Variants in EPM2A observed in about 807,000 individuals in gnomAD.
The protein encoded by EPM2A is laforin.
Under a neutral mutation model 26.5 loss-of-function variants are expected in EPM2A, and 21 were observed. The observed-to-expected ratio is 0.79, with a 90% CI of 0.56 to 1.14. EPM2A has a LOEUF of 1.14. Among genes scored for constraint, EPM2A ranks in the 50% most tolerant of loss-of-function variants. EPM2A has a pLI of 0.00. For synonymous variants in EPM2A, 217 were observed against 177.6 expected, an observed-to-expected ratio of 1.22 and a Z score of -1.76; for missense variants, 458 against 440.8, an observed-to-expected ratio of 1.04 and a Z score of -0.35.
intron 2 of EPM2A, among the ~76,000 whole-genome samples, chr6:145,642,507 C>G (rs988695941): frequency 1.3e-5 from 2 of 152,084 alleles, no homozygotes; most frequent in Non-Finnish European, 2.9e-5. Context: ...ACAAAGTATG[C>G]CTTCATTTGA....
At chr6:145,531,212 C>T (rs1044856492) in intron 2 of EPM2A, among the ~76,000 whole-genome samples, 2 of 152,134 alleles carry the variant, frequency 1.3e-5, no homozygotes, top group African/African-American at 4.8e-5. Context: ...GGCAGGATGG[C>T]TCCCTGCAGG....
downstream of EPM2A, among the ~76,000 whole-genome samples, chr6:145,496,886 C>T (rs371586283): frequency 2.0e-4 from 30 of 152,004 alleles, no homozygotes; most frequent in East Asian, 1.7e-3. Flanking sequence ...TACAGGCGCC[C>T]GCCACCGCGC....
chr6:145,517,472 T>C (rs1210909183), intron 2 of EPM2A, among the ~76,000 whole-genome samples: 1 of 152,166 alleles, frequency 6.6e-6, no homozygotes, highest in Non-Finnish European at 1.5e-5. Flanking sequence ...CCAAAGAGCA[T>C]CACACGTTAT....
chr6:145,521,577 C>G (rs987737113), intron 2 of EPM2A, among the ~76,000 whole-genome samples: 1 of 152,066 alleles, frequency 6.6e-6, no homozygotes, highest in Non-Finnish European at 1.5e-5. Flanking sequence ...CAAGAGGCAA[C>G]AAATGATTAG....
At chr6:145,502,200 A>T (rs1193001543) in intron 3 of EPM2A, among the ~76,000 whole-genome samples, 1 of 152,240 alleles carries the variant, frequency 6.6e-6, no homozygotes, top group Non-Finnish European at 1.5e-5. Context: ...TGTGAAGGAG[A>T]TTATTTAGAA....
At chr6:145,418,416 C>A (rs542079814) in intron 4 of EPM2A, among the ~76,000 whole-genome samples, 2 of 152,296 alleles carry the variant, frequency 1.3e-5, no homozygotes, top group South Asian at 4.1e-4. Flanking sequence ...AAGGATGCCT[C>A]AAGTGGGAGA....
At chr6:145,435,844 T>C (rs1220489487) in intron 4 of EPM2A, among the ~76,000 whole-genome samples, 1 of 152,162 alleles carries the variant, frequency 6.6e-6, no homozygotes, top group Non-Finnish European at 1.5e-5. Context: ...AAAAAAGTTG[T>C]GCTAAAAATA....
intron 4 of EPM2A, among the ~76,000 whole-genome samples, chr6:145,496,130 C>T (rs1295045680): frequency 6.6e-6 from 1 of 152,156 alleles, no homozygotes; most frequent in African/African-American, 2.4e-5. Context: ...ATATTAGCCT[C>T]CAATTACTTC....
chr6:145,645,107 C>G (rs1230364492), intron 2 of EPM2A, among the ~76,000 whole-genome samples: 2 of 152,152 alleles, frequency 1.3e-5, no homozygotes, highest in Non-Finnish European at 2.9e-5. Context: ...GTTAATTCAT[C>G]CTGGCAAGAC....
chr6:145,541,104 G>T (rs1237468773), intron 2 of EPM2A, among the ~76,000 whole-genome samples: 2 of 151,436 alleles, frequency 1.3e-5, no homozygotes, highest in African/African-American at 2.4e-5. Context: ...TTGTGACCCA[G>T]AAAAAAGCAT....
intron 1 of EPM2A, among the ~76,000 whole-genome samples, chr6:145,687,354 A>G (rs1179058705): frequency 6.6e-6 from 1 of 151,896 alleles, no homozygotes; most frequent in Non-Finnish European, 1.5e-5. Context: ...TAGACCCCCC[A>G]GCCTCCAGAA....
At chr6:145,454,553 T>G (rs1283598711) in intron 4 of EPM2A, among the ~76,000 whole-genome samples, 1 of 152,010 alleles carries the variant, frequency 6.6e-6, no homozygotes, top group Admixed American at 6.6e-5. Context: ...AACTAAACAC[T>G]CCCAATAAAA....
At chr6:145,488,843 T>A (rs1779713779) in intron 4 of EPM2A, among the ~76,000 whole-genome samples, 1 of 152,162 alleles carries the variant, frequency 6.6e-6, no homozygotes, top group Non-Finnish European at 1.5e-5. Flanking sequence ...GTAAATAAAT[T>A]TTCCCAGTTG....
intron 1 of EPM2A, among the ~76,000 whole-genome samples, chr6:145,691,105 C>G (rs779218213): frequency 2.6e-5 from 4 of 151,698 alleles, no homozygotes; most frequent in Admixed American, 6.6e-5. Flanking sequence ...AAAATAATGC[C>G]GGAAAACTTT....
intron 2 of EPM2A, among the ~76,000 whole-genome samples, chr6:145,665,630 T>C (rs1302726641): frequency 1.4e-5 from 2 of 146,626 alleles, no homozygotes; most frequent in East Asian, 2.1e-4. Context: ...TTCCAATCAA[T>C]AGAAAAAGAG....
chr6:145,644,709 C>A (rs1413745606), intron 2 of EPM2A, among the ~76,000 whole-genome samples: 1 of 151,850 alleles, frequency 6.6e-6, no homozygotes, highest in East Asian at 1.9e-4. Flanking sequence ...TGATGCTTCC[C>A]AAATCCCTGG....
chr6:145,532,020 A>G (rs941331003), intron 2 of EPM2A, among the ~76,000 whole-genome samples: 9 of 152,192 alleles, frequency 5.9e-5, no homozygotes, highest in Non-Finnish European at 1.0e-4. Flanking sequence ...GTAACAGCAC[A>G]CATCAAACTG....
At chr6:145,464,164 G>A (rs1015373600) in intron 4 of EPM2A, among the ~76,000 whole-genome samples, 1 of 151,868 alleles carries the variant, frequency 6.6e-6, no homozygotes, top group Non-Finnish European at 1.5e-5. Context: ...TGCTGTTCTC[G>A]TGATATTGAG....
At chr6:145,391,946 T>G (rs1360129545) in intron 4 of EPM2A, among the ~76,000 whole-genome samples, 2 of 151,992 alleles carry the variant, frequency 1.3e-5, no homozygotes, top group Non-Finnish European at 2.9e-5. Context: ...GCATTTCAGC[T>G]TAACTCAGTG....
Sources: allele counts gnomAD v4.1 joint callset (sites outside exome capture counted in the v4.1 genomes callset), GRCh38; gene constraint gnomAD v4.1.1; transcripts MANE v1.5; gene names NCBI Gene and HGNC (gene_info 2026-07-23, HGNC 2026-07-21).